The following GPM6A variants were observed in gnomAD, a reference collection of about 807,000 sequenced individuals.
The protein encoded by GPM6A is neuronal membrane glycoprotein M6-a.
A neutral mutation model predicts 32.1 loss-of-function variants in GPM6A; 7 were observed. The ratio of observed to expected loss-of-function variants is 0.22; its 90% CI spans 0.12 to 0.41. GPM6A has a LOEUF of 0.41. GPM6A is among the 10% of genes least tolerant of loss of function. GPM6A has a pLI of 1.00. For missense variants in GPM6A, 235 were observed against 347.2 expected (o/e 0.68, Z 2.57); for synonymous variants, 130 against 123.4 (o/e 1.05, Z -0.35).
At chr4:175,868,435 C>T (rs536289511) in intron 1 of GPM6A, among the ~76,000 whole-genome samples, 2 of 152,272 alleles carry the variant, frequency 1.3e-5, no homozygotes, top group East Asian at 1.9e-4. Flanking sequence ...TTCACTAATT[C>T]GTTATTCTCA....
chr4:175,884,256 C>T (rs1845728), intron 1 of GPM6A, among the ~76,000 whole-genome samples: 82,046 of 152,058 alleles, frequency 0.54, 22,813 homozygotes, highest in East Asian at 0.75. Flanking sequence ...TGACAAAGAA[C>T]GCAAGATCGT....
chr4:175,853,094 C>A (rs1017112395), intron 1 of GPM6A, among the ~76,000 whole-genome samples: 1 of 152,098 alleles, frequency 6.6e-6, no homozygotes, highest in Admixed American at 6.5e-5. Flanking sequence ...CTACAGAACA[C>A]TATTGAATGT....
At chr4:175,837,072 G>A (rs1735790911) in intron 1 of GPM6A, among the ~76,000 whole-genome samples, 2 of 152,130 alleles carry the variant, frequency 1.3e-5, no homozygotes, top group South Asian at 4.1e-4. Context: ...TCAAAAGAGA[G>A]AGGTGGATCA....
At chr4:175,645,265 GGAATTGTGA>G (rs1181673181) in intron 4 of GPM6A, among the ~76,000 whole-genome samples, 1 of 152,092 alleles carries the variant, frequency 6.6e-6, no homozygotes, top group Non-Finnish European at 1.5e-5. Context: ...ATATATTTCT[GGAATTGTGA>G]GAATTATTTG....
intron 1 of GPM6A, among the ~76,000 whole-genome samples, chr4:175,754,227 C>T (rs879476140): frequency 6.6e-6 from 1 of 152,048 alleles, no homozygotes; most frequent in Non-Finnish European, 1.5e-5. Flanking sequence ...GGGTATGTGC[C>T]TGGCTGGCTG....
At chr4:175,821,363 T>C (rs907096392) in intron 1 of GPM6A, among the ~76,000 whole-genome samples, 2 of 152,162 alleles carry the variant, frequency 1.3e-5, no homozygotes, top group Non-Finnish European at 2.9e-5. Context: ...TAGATGTTAT[T>C]TGTAAGTTCT....
chr4:175,699,047 T>C (rs1744729078), intron 2 of GPM6A, among the ~76,000 whole-genome samples: 1 of 152,202 alleles, frequency 6.6e-6, no homozygotes, highest in African/African-American at 2.4e-5. Flanking sequence ...ATTCTATAAG[T>C]AAATTTAGCA....
intron 2 of GPM6A, among the ~76,000 whole-genome samples, chr4:175,697,594 G>T (rs915567681): frequency 6.6e-6 from 1 of 152,120 alleles, no homozygotes; most frequent in Non-Finnish European, 1.5e-5. Flanking sequence ...CTGGCTTTGA[G>T]AAACTAAGCT....
At chr4:175,658,534 T>C (rs1211230823) in intron 3 of GPM6A, among the ~76,000 whole-genome samples, 1 of 152,268 alleles carries the variant, frequency 6.6e-6, no homozygotes, top group African/African-American at 2.4e-5. Context: ...ACCCAAAGAA[T>C]GTGCAACACC....
chr4:175,958,850 C>T (rs1253285036), intron 1 of GPM6A, among the ~76,000 whole-genome samples: 1 of 152,220 alleles, frequency 6.6e-6, no homozygotes, highest in African/African-American at 2.4e-5. Flanking sequence ...TTACAAAAAG[C>T]TACTCAGATC....
At chr4:175,793,015 T>C (rs568732065) in intron 1 of GPM6A, among the ~76,000 whole-genome samples, 51 of 152,272 alleles carry the variant, frequency 3.3e-4, no homozygotes, top group African/African-American at 1.1e-3. Flanking sequence ...CCCATTTCTA[T>C]AAACAATACA....
chr4:175,654,637 G>C (rs962750134), intron 3 of GPM6A, among the ~76,000 whole-genome samples: 12 of 149,490 alleles, frequency 8.0e-5, no homozygotes, highest in African/African-American at 2.9e-4. Context: ...GTCAGGGAAA[G>C]TTATTCAAAA....
chr4:175,813,434 T>C (rs1735005145), upstream of GPM6A, among the ~76,000 whole-genome samples: 1 of 152,104 alleles, frequency 6.6e-6, no homozygotes, highest in African/African-American at 2.4e-5. Flanking sequence ...AGTATCTCTT[T>C]CAAGGAGCAT....
intron 1 of GPM6A, among the ~76,000 whole-genome samples, chr4:175,941,919 G>A (rs921632960): frequency 1.1e-4 from 17 of 152,088 alleles, no homozygotes; most frequent in Admixed American, 3.9e-4. Flanking sequence ...CTGGGTCAAA[G>A]GTATTTCTGG....
chr4:175,644,807 C>G (rs1277729489), intron 4 of GPM6A, among the ~76,000 whole-genome samples: 1 of 152,064 alleles, frequency 6.6e-6, no homozygotes, highest in Non-Finnish European at 1.5e-5. Flanking sequence ...GGAGAAAAGG[C>G]AAGTTATAAG....
chr4:175,881,194 G>T (rs1414259414), intron 1 of GPM6A, among the ~76,000 whole-genome samples: 1 of 152,126 alleles, frequency 6.6e-6, no homozygotes, highest in Admixed American at 6.5e-5. Context: ...GATATGAAAA[G>T]ACACTTCTCA....
At chr4:175,980,312 G>A (rs546347676) in intron 1 of GPM6A, among the ~76,000 whole-genome samples, 166 of 152,224 alleles carry the variant, frequency 1.1e-3, no homozygotes, top group African/African-American at 3.6e-3. Context: ...AGCCCAGATC[G>A]TGCCACTGCA....
chr4:175,886,177 A>G (rs1034986684), intron 1 of GPM6A, among the ~76,000 whole-genome samples: 1 of 152,188 alleles, frequency 6.6e-6, no homozygotes, highest in Admixed American at 6.5e-5. Flanking sequence ...ACAGTCTACC[A>G]GTAACAGGGT....
At chr4:175,974,035 C>T (rs1011066068) in intron 1 of GPM6A, among the ~76,000 whole-genome samples, 1 of 152,092 alleles carries the variant, frequency 6.6e-6, no homozygotes, top group African/African-American at 2.4e-5. Flanking sequence ...CAGTTTGAGA[C>T]CAGCCTGGTC....
Sources: gnomAD v4.1 joint callset for allele counts (sites outside exome capture counted in the v4.1 genomes callset) on GRCh38, gnomAD v4.1.1 for gene constraint, MANE v1.5 for transcripts, NCBI Gene and HGNC (gene_info 2026-07-23, HGNC 2026-07-21) for gene names.